The following FBLN2 variants were observed in gnomAD, a reference collection of about 807,000 sequenced individuals.
FBLN2 encodes the protein fibulin-2.
A neutral mutation model predicts 123.7 loss-of-function variants in FBLN2; 81 were observed. The observed-to-expected ratio is 0.65, with a 90% confidence interval of 0.55 to 0.79. The LOEUF is 0.79. Ranked by LOEUF, FBLN2 falls within the 30% of genes least tolerant of loss-of-function variation. FBLN2 has a pLI of 0.00. For missense variants in FBLN2, 1,603 were observed against 1,681.3 expected (o/e 0.95, Z 0.81); for synonymous variants, 699 against 701.4 (o/e 1.00, Z 0.05).
chr3:13,566,717 C>T lies in FBLN2; in HGVS notation c.-41-3598C>T, dbSNP rs1005364370. 1.8e-4 allele frequency among the ~76,000 whole-genome samples: 28 copies of T among 152,260 alleles called. 1 individual carries two copies. Among genetic ancestry groups the T allele is most frequent in the South Asian group, 1.2e-3 (6 of 4,836 alleles). ...ACGACTTGGGGAACCTGGGAGCTCACACCCCATGTGACATCTCAGGGTGGC... is the reference window on the plus strand; with the variant it reads ...ACGACTTGGGGAACCTGGGAGCTCATACCCCATGTGACATCTCAGGGTGGC... On this transcript the variant is annotated intron_variant, in intron 1 of 17. Coordinates refer to ENST00000404922, the MANE Select transcript of FBLN2 (RefSeq NM_001004019.2).
chr3:13,636,364 A>AG (rs34856661), intron 16 of FBLN2, 81 bp from the exon 17 acceptor site: 1 of 1,554,938 alleles, frequency 6.4e-7, no homozygotes, highest in African/African-American at 1.4e-5. Flanking sequence ...CGTGGGGCCC[A>AG]GGCCTTTCAT....
intron 10 of FBLN2, 63 bp from the exon 11 acceptor site, chr3:13,627,769 G>A (rs576413173): frequency 6.5e-7 from 1 of 1,531,580 alleles, no homozygotes; most frequent in African/African-American, 1.4e-5. Flanking sequence ...GTGTGGGCAG[G>A]GCTGCTGAGT....
chr3:13,621,258 G>A (rs1705840794), intron 8 of FBLN2, among the ~76,000 whole-genome samples: 1 of 152,270 alleles, frequency 6.6e-6, no homozygotes, highest in Non-Finnish European at 1.5e-5. Flanking sequence ...TTCCAAACGT[G>A]TTGAGCACAA....
intron 8 of FBLN2, among the ~76,000 whole-genome samples, chr3:13,621,402 G>A (rs1214668384): frequency 1.3e-5 from 2 of 152,142 alleles, no homozygotes; most frequent in Non-Finnish European, 2.9e-5. Context: ...CCCTTCCCTG[G>A]TTTATGTGGC....
At chr3:13,623,905 C>T (rs1206034738) in intron 9 of FBLN2, among the ~76,000 whole-genome samples, 1 of 152,196 alleles carries the variant, frequency 6.6e-6, no homozygotes, top group Admixed American at 6.5e-5. Context: ...CTGAGGCAAC[C>T]TGCAGAGGTA....
intron 11 of FBLN2, 68 bp from the exon 12 acceptor site, chr3:13,628,837 C>A: frequency 1.3e-6 from 2 of 1,560,756 alleles, no homozygotes; most frequent in Non-Finnish European, 1.7e-6. Context: ...CCAGTGTGGC[C>A]CTGGGAGGGG....
intron 7 of FBLN2, 51 bp downstream of exon 7, chr3:13,619,068 G>A (rs759012195): frequency 8.2e-5 from 117 of 1,423,050 alleles, no homozygotes; most frequent in Non-Finnish European, 1.1e-4. Context: ...TCCAGGGGGT[G>A]GGTCTGGGCT....
intron 15 of FBLN2, 138 bp from the exon 16 acceptor site, chr3:13,631,191 C>G: frequency 8.8e-7 from 1 of 1,136,910 alleles, no homozygotes; most frequent in East Asian, 2.6e-5. Flanking sequence ...CAACTCTCTT[C>G]TACTCTCTCA....
intron 10 of FBLN2, 32 bp from the exon 11 acceptor site, chr3:13,627,800 C>G: frequency 6.3e-7 from 1 of 1,599,042 alleles, no homozygotes; most frequent in Middle Eastern, 1.7e-4. Context: ...GACCTGCCCC[C>G]CAGCCCTTGA....
At chr3:13,613,936 C>G (rs957689354) in intron 4 of FBLN2, 48 bp from the exon 5 acceptor site, 63 of 1,582,752 alleles carry the variant, frequency 4.0e-5, no homozygotes, top group Middle Eastern at 1.7e-4. Context: ...GAGCCTAGCT[C>G]CAGGCTGGGG....
At chr3:13,587,064 G>A (rs776277553) in intron 2 of FBLN2, among the ~76,000 whole-genome samples, 12 of 150,268 alleles carry the variant, frequency 8.0e-5, no homozygotes, top group Non-Finnish European at 1.0e-4. Context: ...AGAATCGCTT[G>A]AGCCCGAGAG....
At chr3:13,623,868 C>G (rs558928263) in intron 9 of FBLN2, among the ~76,000 whole-genome samples, 16 of 152,340 alleles carry the variant, frequency 1.1e-4, no homozygotes, top group Non-Finnish European at 2.1e-4. Context: ...CTTGTGACAT[C>G]ATTGTTATGA....
At chr3:13,604,196 T>G (rs1705131782) in intron 2 of FBLN2, among the ~76,000 whole-genome samples, 2 of 152,244 alleles carry the variant, frequency 1.3e-5, no homozygotes, top group South Asian at 4.1e-4. Context: ...CTGTTCACTC[T>G]GATGGTAGTT....
intron 2 of FBLN2, among the ~76,000 whole-genome samples, chr3:13,579,265 A>T (rs1704245684): frequency 6.6e-6 from 1 of 152,182 alleles, no homozygotes; most frequent in Non-Finnish European, 1.5e-5. Flanking sequence ...TGCTCTAGAA[A>T]CTTCTAGAAT....
At chr3:13,619,492 G>A (rs1193961956) in intron 7 of FBLN2, among the ~76,000 whole-genome samples, 1 of 152,202 alleles carries the variant, frequency 6.6e-6, no homozygotes, top group Non-Finnish European at 1.5e-5. Flanking sequence ...TGGGATCCGA[G>A]TGGTGGGGGA....
At chr3:13,619,702 T>C in intron 7 of FBLN2, 28 bp from the exon 8 acceptor site, 1 of 1,596,468 alleles carries the variant, frequency 6.3e-7, no homozygotes, top group Non-Finnish European at 8.6e-7. Flanking sequence ...GGCCTGGTGG[T>C]CTCTGATTTC....
At chr3:13,579,002 C>T (rs751348788) in intron 2 of FBLN2, among the ~76,000 whole-genome samples, 2 of 152,190 alleles carry the variant, frequency 1.3e-5, no homozygotes, top group Non-Finnish European at 2.9e-5. Flanking sequence ...TTGTGGTGAG[C>T]CACGATCACG....
intron 2 of FBLN2, among the ~76,000 whole-genome samples, chr3:13,576,398 C>T (rs1704147202): frequency 6.6e-6 from 1 of 152,194 alleles, no homozygotes; most frequent in Non-Finnish European, 1.5e-5. Flanking sequence ...CCAGGGATGC[C>T]AGGACATGCT....
rs557711431 is a variant in FBLN2 at position 13,634,458 on chromosome 3, C to T, written c.3215-1987C>T. Among the ~76,000 whole-genome samples the T allele has an allele frequency of 4.6e-5, 7 of 152,392 alleles. No homozygotes were observed. In the South Asian group the frequency reaches 1.4e-3, roughly 32 times the overall value. ...GCCCTTCCCTTCTGGGCATCTCCATCAGCAGCAGCCCAGAGCCAAAGCAAA... is the reference window on the plus strand; with the variant it reads ...GCCCTTCCCTTCTGGGCATCTCCATTAGCAGCAGCCCAGAGCCAAAGCAAA... On this transcript the variant is annotated intron_variant, in intron 16 of 17. Coordinates refer to ENST00000404922, the MANE Select transcript of FBLN2 (RefSeq NM_001004019.2).
Sources: allele counts gnomAD v4.1 joint callset (sites outside exome capture counted in the v4.1 genomes callset), GRCh38; gene constraint gnomAD v4.1.1; transcripts MANE v1.5; gene names NCBI Gene and HGNC (gene_info 2026-07-23, HGNC 2026-07-21).